The following RELL1 variants were observed in gnomAD, a reference collection of about 807,000 sequenced individuals.
The protein encoded by RELL1 is RELT like 1.
In RELL1, 10 loss-of-function variants were observed where a neutral mutation model predicts 23.0. The ratio of observed to expected loss-of-function variants is 0.43; its 90% CI spans 0.27 to 0.74. The LOEUF (loss-of-function observed/expected upper bound fraction) is 0.74, where lower values mean the gene tolerates loss of function less well. RELL1 is among the 30% of genes least tolerant of loss of function. The probability of loss-of-function intolerance (pLI) is 0.19; values close to 1 mark genes in which losing one functional copy is unlikely to be tolerated. For synonymous variants in RELL1, 146 were observed against 146.8 expected, an observed-to-expected ratio of 0.99 and a Z score of 0.04; for missense variants, 315 against 364.4, an observed-to-expected ratio of 0.86 and a Z score of 1.10.
intron 6 of RELL1, among the ~76,000 whole-genome samples, chr4:37,604,884 CACAG>C (rs1719138064): frequency 5.5e-5 from 5 of 90,692 alleles, no homozygotes; most frequent in South Asian, 4.2e-4. Flanking sequence ...CACACATACA[CACAG>C]ACACACACAC....
intron 6 of RELL1, chr4:37,591,645 C>T (rs1035320088): frequency 6.6e-6 from 1 of 152,180 alleles, no homozygotes; most frequent in Non-Finnish European, 1.5e-5. Context: ...ACACCTTGAC[C>T]TTAACTTTTT....
intron 6 of RELL1, among the ~76,000 whole-genome samples, chr4:37,597,476 C>T (rs184127908): frequency 1.3e-5 from 2 of 152,346 alleles, no homozygotes; most frequent in Admixed American, 6.5e-5. Context: ...CTAGGTCCAA[C>T]TCATTCTTTT....
intron 1 of RELL1, 68 bp downstream of exon 1, chr4:37,686,132 C>A: frequency 7.2e-7 from 1 of 1,387,056 alleles, no homozygotes; most frequent in Non-Finnish European, 9.8e-7. Context: ...GTCCCGACCC[C>A]TCGCTTCCTT....
chr4:37,662,259 T>C (rs1007428474), intron 1 of RELL1, among the ~76,000 whole-genome samples: 2 of 152,170 alleles, frequency 1.3e-5, no homozygotes. Context: ...CTAATGATAA[T>C]TATCATTTTT....
downstream of RELL1, among the ~76,000 whole-genome samples, chr4:37,605,892 A>G (rs1210030000): frequency 7.6e-6 from 1 of 131,410 alleles, no homozygotes; most frequent in East Asian, 2.1e-4. Flanking sequence ...AAAGAAAGAG[A>G]AAGAAAGGAA....
intron 6 of RELL1, among the ~76,000 whole-genome samples, chr4:37,604,798 G>GACACACACACACACACACACACACAC (rs368655689): frequency 1.7e-5 from 2 of 116,336 alleles, no homozygotes; most frequent in African/African-American, 6.9e-5. Context: ...CACACACACA[G>GACACACACACACACACACACACACAC]ACACACACAC....
intron 1 of RELL1, among the ~76,000 whole-genome samples, chr4:37,670,259 A>G (rs968338364): frequency 4.0e-5 from 6 of 151,808 alleles, no homozygotes; most frequent in Admixed American, 2.0e-4. Context: ...CATCATTACT[A>G]TAAGGTTGAA....
chr4:37,590,995 G>T, exon 7 of RELL1: 2 of 1,604,702 alleles, frequency 1.2e-6, no homozygotes, highest in South Asian at 1.1e-5. Flanking sequence ...GGATGAGACT[G>T]ATTAGGGGAG....
rs1480937641 is a variant in RELL1, at chr4:37,611,059, G to A, written c.*2287C>T. On this transcript the variant is annotated 3_prime_UTR_variant, in exon 7 of 7. Transcript: ENST00000454158. ...AAAACATACTCTTGGTATCAATACA[G>A]TTTTAAATATTTTTGAGTATTCTCT... Among the ~76,000 whole-genome samples the A allele has an allele frequency of 3.3e-5, 5 of 152,094 alleles. No homozygotes were observed. The highest frequency in any genetic ancestry group is 1.2e-4 in the African/African-American group (5 of 41,400).
chr4:37,600,280 A>T (rs902412665), intron 6 of RELL1, among the ~76,000 whole-genome samples: 4 of 152,162 alleles, frequency 2.6e-5, no homozygotes, highest in African/African-American at 4.8e-5. Flanking sequence ...AAAAAAAAAA[A>T]AAAAAAAAAA....
At chr4:37,674,483 T>C (rs1721950305) in intron 1 of RELL1, among the ~76,000 whole-genome samples, 3 of 152,170 alleles carry the variant, frequency 2.0e-5, no homozygotes, top group Admixed American at 2.0e-4. Flanking sequence ...TTGTTCTGTG[T>C]TTTGCCTTTA....
chr4:37,639,249 T>C (rs533131292), intron 3 of RELL1, among the ~76,000 whole-genome samples: 102 of 152,020 alleles, frequency 6.7e-4, no homozygotes, highest in African/African-American at 2.2e-3. Flanking sequence ...CTGGGCGTGG[T>C]GGCAGGCACC....
intron 6 of RELL1, among the ~76,000 whole-genome samples, chr4:37,629,184 C>T (rs2109255000): frequency 6.6e-6 from 1 of 152,324 alleles, no homozygotes; most frequent in African/African-American, 2.4e-5. Context: ...ATGACTCATA[C>T]TCAGCCTGTC....
intron 6 of RELL1, among the ~76,000 whole-genome samples, chr4:37,620,820 T>C (rs1304927394): frequency 6.6e-6 from 1 of 152,204 alleles, no homozygotes; most frequent in Admixed American, 6.5e-5. Flanking sequence ...TTTAACACTT[T>C]TATTGGCTAC....
intron 3 of RELL1, among the ~76,000 whole-genome samples, chr4:37,638,921 A>G (rs545785904): frequency 6.6e-6 from 1 of 152,350 alleles, no homozygotes; most frequent in South Asian, 2.1e-4. Context: ...AATGTATTTC[A>G]TAAGTGACCT....
At position 37,685,316 on chromosome 4, in the gene RELL1, A is replaced by G. The variant is rs140005660; in HGVS notation, c.88+884T>C. On this transcript the variant is annotated intron_variant, in intron 1 of 6. Coordinates refer to ENST00000454158, the MANE Select transcript of RELL1 (RefSeq NM_001085400.2). The stretch of plus-strand genomic sequence containing the variant: ...TGACGTCAGATTCCCAGCTGTAGTA[A>G]CCCCAAATGGCCAAGTAAGTATGTT... Among the ~76,000 whole-genome samples, 45 of 151,664 alleles carry G rather than the reference A, an allele frequency of 3.0e-4. No homozygotes were observed. The East Asian group carries it at 6.2e-3, about 21-fold the overall frequency.
chr4:37,663,363 A>T (rs1047289929), intron 1 of RELL1, among the ~76,000 whole-genome samples: 3 of 152,232 alleles, frequency 2.0e-5, no homozygotes, highest in Non-Finnish European at 2.9e-5. Flanking sequence ...CTTTAAAATT[A>T]CACATTATGT....
Position 37,611,978 on chromosome 4 carries a change from A to C in RELL1, c.*1368T>G, listed in dbSNP as rs2109229530. 6.6e-6 allele frequency among the ~76,000 whole-genome samples: 1 copy of C among 151,424 alleles called. No homozygotes were observed. Among genetic ancestry groups the C allele is most frequent in the Non-Finnish European group, 1.5e-5 (1 of 67,792 alleles). On this transcript the variant is annotated 3_prime_UTR_variant, in exon 7 of 7. Transcript: ENST00000454158. ...ATCACGAGGTCAGGAGATCGAGACC[A>C]TCTTCGCTAATGCGGTGAAACCCCG... is the stretch of plus-strand genomic sequence containing the variant.
intron 1 of RELL1, among the ~76,000 whole-genome samples, chr4:37,650,253 G>C (rs1055592659): frequency 2.0e-5 from 3 of 152,208 alleles, no homozygotes; most frequent in African/African-American, 7.2e-5. Context: ...AGCAGATCTA[G>C]AGTATGAAGA....
Sources: gnomAD v4.1 joint callset for allele counts (sites outside exome capture counted in the v4.1 genomes callset) on GRCh38, gnomAD v4.1.1 for gene constraint, MANE v1.5 for transcripts, NCBI Gene and HGNC (gene_info 2026-07-23, HGNC 2026-07-21) for gene names.